The following RYR2 variants were observed in gnomAD, a reference collection of about 807,000 sequenced individuals.
RYR2 encodes ryanodine receptor 2, also known as cardiac muscle ryanodine receptor-calcium release channel.
Under a neutral mutation model 601.1 loss-of-function variants are expected in RYR2, and 227 were observed. The ratio of observed to expected loss-of-function variants is 0.38; its 90% confidence interval spans 0.34 to 0.42. The LOEUF (loss-of-function observed/expected upper bound fraction) is 0.42. Among genes scored for constraint, RYR2 ranks in the 10% least tolerant of loss-of-function variants. The pLI is 1.00. For synonymous variants in RYR2, 2,223 were observed against 2,175.1 expected, an observed-to-expected ratio of 1.02 and a Z score of -0.61; for missense variants, 4,646 against 6,156.5, an observed-to-expected ratio of 0.75 and a Z score of 8.21.
chr1:237,605,455 C>T (rs1246986106), intron 35 of RYR2, among the ~76,000 whole-genome samples: 3 of 152,194 alleles, frequency 2.0e-5, no homozygotes, highest in Non-Finnish European at 2.9e-5. Flanking sequence ...GACAAACCCA[C>T]AGCCAATATC....
At chr1:237,749,323 T>G (rs1261770625) in intron 80 of RYR2, among the ~76,000 whole-genome samples, 1 of 152,212 alleles carries the variant, frequency 6.6e-6, no homozygotes, top group Non-Finnish European at 1.5e-5. Flanking sequence ...ATCTATAAAG[T>G]GTGGCTAATT....
chr1:237,084,628 G>A (rs1030372993), intron 1 of RYR2, among the ~76,000 whole-genome samples: 3 of 152,324 alleles, frequency 2.0e-5, no homozygotes, highest in African/African-American at 7.2e-5. Flanking sequence ...AGGAATTGAA[G>A]CTTTGCTTTC....
At chr1:237,464,549 A>G (rs1659847810) in intron 16 of RYR2, among the ~76,000 whole-genome samples, 1 of 151,542 alleles carries the variant, frequency 6.6e-6, no homozygotes, top group South Asian at 2.1e-4. Context: ...TACCTTTTTG[A>G]CCTGGGGAAG....
At position 237,171,974 on chromosome 1, in the gene RYR2, T is replaced by A. The variant is rs561863008; in HGVS notation, c.49-98523T>A. The stretch of plus-strand genomic sequence containing the variant: ...GTGTTTCCTGGATGTTGGCCCAATT[T>A]GCCTTAACATCCGTGTCTGCTAAGC... On this transcript the variant is annotated intron_variant, in intron 1 of 104. Coordinates refer to ENST00000366574, the MANE Select transcript of RYR2 (RefSeq NM_001035.3). Among the ~76,000 whole-genome samples the A allele has an allele frequency of 2.9e-4, 44 of 152,358 alleles. No individual in the cohort carries two copies. The South Asian group carries it at 4.1e-3, about 14-fold the overall frequency.
chr1:237,291,010 A>G (rs986663341), intron 2 of RYR2, among the ~76,000 whole-genome samples: 1 of 152,174 alleles, frequency 6.6e-6, no homozygotes, highest in African/African-American at 2.4e-5. Flanking sequence ...GATATGAACC[A>G]ATAAAAATTC....
chr1:237,055,483 A>C (rs975282869), intron 1 of RYR2, among the ~76,000 whole-genome samples: 1 of 152,018 alleles, frequency 6.6e-6, no homozygotes, highest in Non-Finnish European at 1.5e-5. Flanking sequence ...TTCGGGCCTA[A>C]ATTTGGGTGG....
intron 97 of RYR2, among the ~76,000 whole-genome samples, chr1:237,799,212 G>A (rs895822195): frequency 3.3e-5 from 5 of 152,072 alleles, no homozygotes; most frequent in African/African-American, 7.2e-5. Flanking sequence ...ATATTTAAAC[G>A]TTGTGCCGCT....
chr1:237,712,564 C>A (rs1205905737), intron 71 of RYR2, among the ~76,000 whole-genome samples: 1 of 152,048 alleles, frequency 6.6e-6, no homozygotes, highest in Admixed American at 6.6e-5. Context: ...CACACACGCA[C>A]CCCCCACTCA....
At chr1:237,771,282 G>A (rs1011318763) in intron 85 of RYR2, among the ~76,000 whole-genome samples, 67 of 151,896 alleles carry the variant, frequency 4.4e-4, no homozygotes, top group African/African-American at 1.4e-3. Context: ...ATGGTGGTGC[G>A]TGCTCATAGT....
chr1:237,178,466 G>GTT (rs1291600412), intron 1 of RYR2, among the ~76,000 whole-genome samples: 65 of 118,878 alleles, frequency 5.5e-4, no homozygotes, highest in African/African-American at 1.9e-3. Flanking sequence ...GTGTGTGTGT[G>GTT]TGTTTAAAAG....
At chr1:237,271,411 A>T (rs1044437738) in intron 2 of RYR2, among the ~76,000 whole-genome samples, 5 of 152,136 alleles carry the variant, frequency 3.3e-5, no homozygotes, top group Admixed American at 6.5e-5. Flanking sequence ...TTCTGTTGAT[A>T]TGTTTTGATT....
At chr1:237,639,575 G>C (rs1169049305) in intron 46 of RYR2, among the ~76,000 whole-genome samples, 1 of 152,144 alleles carries the variant, frequency 6.6e-6, no homozygotes, top group Non-Finnish European at 1.5e-5. Context: ...ATTAGAAAGA[G>C]ACCTTTCGCA....
At chr1:237,767,192 G>A (rs1408245376) in intron 84 of RYR2, among the ~76,000 whole-genome samples, 1 of 152,086 alleles carries the variant, frequency 6.6e-6, no homozygotes, top group Non-Finnish European at 1.5e-5. Flanking sequence ...GTTTTCCTTT[G>A]ATTCTTAAAT....
At chr1:237,627,679 C>G in intron 40 of RYR2, 128 bp from the exon 41 acceptor site, 1 of 914,516 alleles carries the variant, frequency 1.1e-6, no homozygotes, top group Non-Finnish European at 1.6e-6. Context: ...CAAAGAATAT[C>G]TAGAGCCTTT....
At chr1:237,045,555 G>GT (rs1175985686) in intron 1 of RYR2, among the ~76,000 whole-genome samples, 2 of 152,118 alleles carry the variant, frequency 1.3e-5, no homozygotes, top group Non-Finnish European at 2.9e-5. Flanking sequence ...TTGAAAATAT[G>GT]TTTTTGTAAA....
intron 20 of RYR2, among the ~76,000 whole-genome samples, chr1:237,499,890 G>A (rs1049273651): frequency 1.3e-5 from 2 of 152,210 alleles, no homozygotes; most frequent in Admixed American, 1.3e-4. Context: ...GCAGTGAGAA[G>A]CAGATGCTCT....
chr1:237,212,093 G>A (rs937512988), intron 1 of RYR2, among the ~76,000 whole-genome samples: 1 of 150,844 alleles, frequency 6.6e-6, no homozygotes, highest in Non-Finnish European at 1.5e-5. Context: ...TTTTTTTGCT[G>A]CATATTTTGT....
chr1:237,221,721 T>A (rs1683819657), intron 1 of RYR2, among the ~76,000 whole-genome samples: 1 of 152,170 alleles, frequency 6.6e-6, no homozygotes, highest in African/African-American at 2.4e-5. Flanking sequence ...TGTATTCTAT[T>A]TAGTAAGAAG....
intron 3 of RYR2, among the ~76,000 whole-genome samples, chr1:237,341,804 A>AT (rs11424484): frequency 0.28 from 41,868 of 152,038 alleles, 6,250 homozygotes; most frequent in African/African-American, 0.39. Context: ...CTGTTTTTGA[A>AT]TTGCCTCTCT....
Sources: gnomAD v4.1 joint callset for allele counts (sites outside exome capture counted in the v4.1 genomes callset) on GRCh38, gnomAD v4.1.1 for gene constraint, MANE v1.5 for transcripts, NCBI Gene and HGNC (gene_info 2026-07-23, HGNC 2026-07-21) for gene names.